KDM7A: variants seen among roughly 807,000 people sequenced by gnomAD.
KDM7A encodes the protein lysine-specific demethylase 7A.
In KDM7A, 28 loss-of-function variants were observed where a neutral mutation model predicts 114.8. The observed-to-expected ratio is 0.24, with a 90% CI of 0.18 to 0.33. The LOEUF (loss-of-function observed/expected upper bound fraction) is 0.33. KDM7A is among the 10% of genes least tolerant of loss of function. The pLI is 1.00. For missense variants in KDM7A, 942 were observed against 1,142.5 expected (o/e 0.82, Z 2.53); for synonymous variants, 423 against 397.8 (o/e 1.06, Z -0.75).
At chr7:140,106,091 T>C (rs1191058619) in intron 11 of KDM7A, among the ~76,000 whole-genome samples, 1 of 152,250 alleles carries the variant, frequency 6.6e-6, no homozygotes, top group Non-Finnish European at 1.5e-5. Flanking sequence ...GTGTTTATAG[T>C]ATTCTCTGAT....
chr7:140,125,250 A>G (rs543074629), intron 6 of KDM7A, among the ~76,000 whole-genome samples: 1 of 152,372 alleles, frequency 6.6e-6, no homozygotes, highest in African/African-American at 2.4e-5. Context: ...CCAAGGACCC[A>G]GCAACAAATA....
At chr7:140,105,587 C>G (rs1353915706) in intron 11 of KDM7A, among the ~76,000 whole-genome samples, 1 of 152,154 alleles carries the variant, frequency 6.6e-6, no homozygotes. Flanking sequence ...TGATGGATTA[C>G]GTTTATTGAT....
chr7:140,145,100 C>CTACAAAACCATTTAAACAGCCTAA (rs1214750821), intron 1 of KDM7A, among the ~76,000 whole-genome samples: 1 of 152,168 alleles, frequency 6.6e-6, no homozygotes, highest in African/African-American at 2.4e-5. Flanking sequence ...AAACAGCCTA[C>CTACAAAACCATTTAAACAGCCTAA]TACAAAACCA....
intron 19 of KDM7A, 61 bp downstream of exon 19, chr7:140,091,743 G>T: frequency 6.4e-7 from 1 of 1,563,472 alleles, no homozygotes; most frequent in Non-Finnish European, 8.8e-7. Context: ...CACCTCAACT[G>T]CCATGATGAC....
rs929747739 is a variant in KDM7A, at chr7:140,176,388, G to T, written c.194+356C>A. On this transcript the variant is annotated intron_variant, in intron 1 of 19. Transcript: ENST00000397560. This position sits in a 1 kb window ranked among gnomAD's most constrained non-coding sequence, Gnocchi z 4.4. ...CGGGGCGGCGGCGGCCCGGGCTGGC[G>T]AGGGGCTGCGGACCCGGCCGGCGCT... is the stretch of plus-strand genomic sequence containing the variant. Among the ~76,000 whole-genome samples the T allele has an allele frequency of 7.0e-6, 1 of 143,730 alleles. No homozygotes were observed. Among genetic ancestry groups the T allele is most frequent in the Admixed American group, 6.9e-5 (1 of 14,560 alleles). The allele number at this position is 143,730 out of a possible 152,430, so 94.3% of individuals were successfully genotyped here. A position where few individuals can be genotyped will look rare whatever the true frequency, so the allele number is the denominator to read the frequency against.
chr7:140,148,698 C>T (rs892135550), intron 1 of KDM7A, among the ~76,000 whole-genome samples: 1 of 152,054 alleles, frequency 6.6e-6, no homozygotes, highest in African/African-American at 2.4e-5. Context: ...CAGATATCAG[C>T]TAAGGTAAAA....
At chr7:140,099,227 C>T (rs1370015642) in intron 13 of KDM7A, among the ~76,000 whole-genome samples, 194 bp from the exon 14 acceptor site, 2 of 152,114 alleles carry the variant, frequency 1.3e-5, no homozygotes, top group African/African-American at 4.8e-5. Context: ...CAGGGTCTTG[C>T]TCTGTTGCCC....
chr7:140,150,639 C>A (rs763112491), intron 1 of KDM7A, among the ~76,000 whole-genome samples: 30 of 152,120 alleles, frequency 2.0e-4, no homozygotes, highest in Non-Finnish European at 3.2e-4. Context: ...CAGCAGTTGC[C>A]TCTGGGAAAA....
At chr7:140,152,984 C>T (rs1446293577) in intron 1 of KDM7A, among the ~76,000 whole-genome samples, 2 of 151,708 alleles carry the variant, frequency 1.3e-5, no homozygotes, top group South Asian at 2.1e-4. Flanking sequence ...CTCAGCCTCC[C>T]GAGTAGCTGG....
chr7:140,171,581 A>ATTT lies in KDM7A; in HGVS notation c.194+5160_194+5162dup, dbSNP rs372430399. Reference sequence around the variant, plus strand: ...TATTTTTATATATTTATATATATATATTTTTATATAGTTGTATTTATATAT... The same window carrying ATTT: ...TATTTTTATATATTTATATATATATATTTTTTTTATATAGTTGTATTTATATAT... On this transcript the variant is annotated intron_variant, in intron 1 of 19. Transcript: ENST00000397560. Among the ~76,000 whole-genome samples, 375 of 144,104 alleles carry ATTT rather than the reference A, an allele frequency of 2.6e-3. 1 individual carries two copies. Among genetic ancestry groups the ATTT allele is most frequent in the Admixed American group, 5.2e-3 (75 of 14,310 alleles). The allele number at this position is 144,104 out of a possible 152,430, so 94.5% of individuals were successfully genotyped here. A position where few individuals can be genotyped will look rare whatever the true frequency, so the allele number is the denominator to read the frequency against.
rs544609823 is a variant in KDM7A, at chr7:140,109,202, G to A, written c.1428+1893C>T. ...CCTTAGCTAGGAAAGGGAACTCCCC[G>A]ACCCCTTGCACTTCCTGGGACAGGC... is the stretch of plus-strand genomic sequence containing the variant. On this transcript the variant is annotated intron_variant, in intron 11 of 19. Transcript: ENST00000397560. Among the ~76,000 whole-genome samples the A allele has an allele frequency of 3.3e-3, 510 of 152,308 alleles. 1 individual carries two copies. Among genetic ancestry groups the A allele is most frequent in the Non-Finnish European group, 3.5e-3 (236 of 68,028 alleles).
chr7:140,099,536 C>A (rs948626632), intron 13 of KDM7A, among the ~76,000 whole-genome samples: 4 of 152,136 alleles, frequency 2.6e-5, no homozygotes, highest in African/African-American at 9.7e-5. Context: ...GGGCCATAGA[C>A]TGGTACCAGT....
In KDM7A at chr7:140,176,109, GT is replaced by G. The variant is rs1283162844; in HGVS notation, c.194+634del. Among the ~76,000 whole-genome samples, 1 of 151,750 alleles carries G rather than the reference GT, an allele frequency of 6.6e-6. No individual in the cohort carries two copies. Among genetic ancestry groups the G allele is most frequent in the African/African-American group, 2.4e-5 (1 of 41,356 alleles). On this transcript the variant is annotated intron_variant, in intron 1 of 19. Coordinates refer to ENST00000397560, the MANE Select transcript of KDM7A (RefSeq NM_030647.2). The surrounding 1 kb of genome is among the most constrained non-coding windows in gnomAD (Gnocchi z 4.4). ...GAGCGAGTGCCTCATCTGTTGCTCT[GT>G]TTACTCCGCGGAGCCCCGCCGAGCT... is the stretch of plus-strand genomic sequence containing the variant.
At position 140,086,455 on chromosome 7, in the gene KDM7A, T is replaced by C. The variant is rs1051476199; in HGVS notation, c.*4639A>G. 3.3e-5 allele frequency: 5 copies of C among 152,122 alleles called. No homozygotes were observed. The highest frequency in any genetic ancestry group is 2.4e-5 in the African/African-American group (1 of 41,412). 9.4% of individuals were successfully genotyped at this position (152,122 alleles called of 1,614,324 possible). A position where few individuals can be genotyped will look rare whatever the true frequency, so the allele number is the denominator to read the frequency against. ...CACAACAAGCTCATTGCTTTGGAAA[T>C]AGACATTTGCTTCCTAATGACCTTA... On this transcript the variant is annotated 3_prime_UTR_variant, in exon 20 of 20. Transcript: ENST00000397560.
At chr7:140,154,451 C>T (rs1053455187) in intron 1 of KDM7A, among the ~76,000 whole-genome samples, 1 of 149,296 alleles carries the variant, frequency 6.7e-6, no homozygotes, top group African/African-American at 2.5e-5. Flanking sequence ...CTGACTGCAC[C>T]GCTGCACTCC....
intron 9 of KDM7A, among the ~76,000 whole-genome samples, chr7:140,115,938 C>A (rs557276420): frequency 6.7e-6 from 1 of 149,126 alleles, no homozygotes; most frequent in Non-Finnish European, 1.5e-5. Flanking sequence ...CTACCCGATT[C>A]TATCAATAAT....
intron 11 of KDM7A, among the ~76,000 whole-genome samples, chr7:140,106,069 A>G (rs1818333581): frequency 6.6e-6 from 1 of 152,080 alleles, no homozygotes. Context: ...TTTCTAGTTT[A>G]TTTGCACAGA....
At chr7:140,164,080 C>T (rs561764800) in intron 1 of KDM7A, among the ~76,000 whole-genome samples, 1 of 152,272 alleles carries the variant, frequency 6.6e-6, no homozygotes, top group African/African-American at 2.4e-5. Flanking sequence ...GAAATCTACA[C>T]CACTCTCCTG....
chr7:140,102,641 G>C (rs1818251763), intron 11 of KDM7A, among the ~76,000 whole-genome samples: 1 of 152,094 alleles, frequency 6.6e-6, no homozygotes, highest in Non-Finnish European at 1.5e-5. Flanking sequence ...CCAAAGTGCT[G>C]GGATTACCGG....
Sources: allele counts gnomAD v4.1 joint callset (sites outside exome capture counted in the v4.1 genomes callset), GRCh38; gene constraint gnomAD v4.1.1; non-coding constraint Gnocchi (gnomAD v3.1); transcripts MANE v1.5; gene names NCBI Gene and HGNC (gene_info 2026-07-23, HGNC 2026-07-21).